The following TRIM37 variants were observed in gnomAD, a reference collection of about 807,000 sequenced individuals.
TRIM37 encodes E3 ubiquitin-protein ligase TRIM37.
TRIM37 carries 80 observed loss-of-function variants against 129.8 expected under a neutral mutation model. The ratio of observed to expected loss-of-function variants is 0.62; its 90% CI spans 0.51 to 0.74. The LOEUF is 0.74. Among genes scored for constraint, TRIM37 ranks in the 30% least tolerant of loss-of-function variants. The probability of loss-of-function intolerance (pLI) is 0.00; values close to 1 mark genes in which losing one functional copy is unlikely to be tolerated. For missense variants in TRIM37, 1,054 were observed against 1,176.5 expected, an observed-to-expected ratio of 0.90 and a Z score of 1.52; for synonymous variants, 389 against 387.1, an observed-to-expected ratio of 1.00 and a Z score of -0.06.
intron 19 of TRIM37, among the ~76,000 whole-genome samples, chr17:59,018,735 T>G (rs77156619): frequency 1.3e-5 from 2 of 151,820 alleles, no homozygotes; most frequent in East Asian, 1.9e-4. Context: ...TTTTTTTTTT[T>G]GCAGAAATTG....
chr17:59,079,979 T>G (rs533276255), intron 6 of TRIM37, 102 bp from the exon 7 acceptor site: 2 of 1,364,452 alleles, frequency 1.5e-6, no homozygotes, highest in Non-Finnish European at 2.0e-6. Flanking sequence ...AAAAAGGTAG[T>G]TAGAGGAAGG....
the TRIM37 span, among the ~76,000 whole-genome samples, chr17:58,977,440 CAAAA>C: frequency 4.8e-5 from 3 of 62,118 alleles, no homozygotes; most frequent in Non-Finnish European, 3.4e-5. Flanking sequence ...GACTCTGTCT[CAAAA>C]AAAAAAAAAA....
chr17:58,986,409 G>C (rs1353455216), intron 24 of TRIM37, among the ~76,000 whole-genome samples: 1 of 151,894 alleles, frequency 6.6e-6, no homozygotes, highest in Non-Finnish European at 1.5e-5. Context: ...ATGTTGGCCA[G>C]GCTGGTCTCG....
intron 19 of TRIM37, among the ~76,000 whole-genome samples, chr17:59,022,001 T>C (rs2036659980): frequency 6.6e-6 from 1 of 152,172 alleles, no homozygotes; most frequent in Non-Finnish European, 1.5e-5. Flanking sequence ...TCTGAGTTAC[T>C]ATACTAGTTT....
At chr17:58,969,801 C>T in the TRIM37 span, 175 of 1,384,462 alleles carry the variant, frequency 1.3e-4, no homozygotes, top group Middle Eastern at 3.0e-3. Context: ...GGTTAAAGGG[C>T]TATTTAGATT....
intron 12 of TRIM37, 133 bp downstream of exon 12, chr17:59,060,899 G>A: frequency 1.5e-6 from 1 of 675,922 alleles, no homozygotes; most frequent in Non-Finnish European, 2.6e-6. Flanking sequence ...ATCCTATGAT[G>A]CCAAGAACAT....
At position 59,042,449 on chromosome 17, in the gene TRIM37, A is replaced by AATATAT. The variant is rs71145518; in HGVS notation, c.1668-557_1668-552dup. 2.8e-4 allele frequency among the ~76,000 whole-genome samples: 10 copies of AATATAT among 36,040 alleles called. 1 individual carries two copies. The East Asian group carries it at 3.7e-3, about 13-fold the overall frequency. 23.6% of individuals were successfully genotyped at this position (36,040 alleles called of 152,430 possible). A position where few individuals can be genotyped will look rare whatever the true frequency, so the allele number is the denominator to read the frequency against. On this transcript the variant is annotated intron_variant, in intron 16 of 23. Coordinates refer to ENST00000262294, the MANE Select transcript of TRIM37 (RefSeq NM_015294.6). ...AGGAATTTAAAAAAAAAAAAAAAAAAATATATATATATATATATATATATA... is the reference window on the plus strand; with the variant it reads ...AGGAATTTAAAAAAAAAAAAAAAAAAATATATATATATATATATATATATATATATA...
downstream of TRIM37, among the ~76,000 whole-genome samples, chr17:58,996,683 C>A (rs896805877): frequency 4.0e-5 from 6 of 150,480 alleles, no homozygotes; most frequent in African/African-American, 1.5e-4. Context: ...GTGGGAGGAT[C>A]ACTTGAGCCT....
At chr17:59,105,690 G>A (rs1317219434) in intron 1 of TRIM37, among the ~76,000 whole-genome samples, 1 of 152,092 alleles carries the variant, frequency 6.6e-6, no homozygotes, top group Non-Finnish European at 1.5e-5. Flanking sequence ...AAAGAACCTG[G>A]GAGATGCAGA....
chr17:59,085,027 C>T (rs1219641111), intron 4 of TRIM37, among the ~76,000 whole-genome samples: 1 of 152,036 alleles, frequency 6.6e-6, no homozygotes, highest in Non-Finnish European at 1.5e-5. Flanking sequence ...ACCATATACA[C>T]AAATAAACTA....
At chr17:59,059,096 G>C (rs1228560968) in intron 12 of TRIM37, 1 of 151,576 alleles carries the variant, frequency 6.6e-6, no homozygotes, top group African/African-American at 2.4e-5. Flanking sequence ...TCTTGACCGG[G>C]CACAGTGGCA....
chr17:59,074,248 C>T (rs2042622687), intron 8 of TRIM37, among the ~76,000 whole-genome samples: 1 of 152,188 alleles, frequency 6.6e-6, no homozygotes, highest in Non-Finnish European at 1.5e-5. Flanking sequence ...TGCAGTCTGT[C>T]ATTGACCAAA....
the TRIM37 span, chr17:58,969,388 G>T: frequency 1.3e-6 from 1 of 777,004 alleles, no homozygotes; most frequent in Admixed American, 2.0e-5. Flanking sequence ...AGTTGATCAG[G>T]CATGTTAGAG....
intron 16 of TRIM37, among the ~76,000 whole-genome samples, chr17:59,045,422 G>A (rs1420864066): frequency 8.6e-5 from 13 of 151,522 alleles, no homozygotes; most frequent in South Asian, 2.1e-4. Context: ...GGTGGATCAC[G>A]AGGTCAGGTG....
chr17:59,010,184 T>C (rs2035077518), intron 22 of TRIM37, among the ~76,000 whole-genome samples: 1 of 152,190 alleles, frequency 6.6e-6, no homozygotes, highest in Admixed American at 6.5e-5. Flanking sequence ...AGTTCAACTA[T>C]TGGTTCTTGA....
chr17:59,070,978 C>A, intron 8 of TRIM37, 31 bp from the exon 9 acceptor site: 1 of 1,611,510 alleles, frequency 6.2e-7, no homozygotes, highest in South Asian at 1.1e-5. Context: ...TCTGAACAAA[C>A]AAAATTACTA....
intron 24 of TRIM37, chr17:58,984,802 A>G (rs1251047602): frequency 3.3e-5 from 5 of 152,468 alleles, no homozygotes; most frequent in Admixed American, 3.3e-4. Flanking sequence ...ATTTATTGTA[A>G]TAATTAGAAA....
At chr17:59,056,311 T>TGGAAACACCGGCGCA (rs1568116405) in intron 13 of TRIM37, among the ~76,000 whole-genome samples, 6 of 151,994 alleles carry the variant, frequency 3.9e-5, no homozygotes, top group Non-Finnish European at 8.8e-5. Context: ...CCATAGTAGA[T>TGGAAACACCGGCGCA]GGAAACACCG....
At chr17:59,084,891 C>T (rs1400944620) in intron 4 of TRIM37, among the ~76,000 whole-genome samples, 1 of 152,142 alleles carries the variant, frequency 6.6e-6, no homozygotes, top group African/African-American at 2.4e-5. Flanking sequence ...ACCAACACTG[C>T]TAGCATTTAA....
Sources: gnomAD v4.1 joint callset for allele counts (sites outside exome capture counted in the v4.1 genomes callset) on GRCh38, gnomAD v4.1.1 for gene constraint, MANE v1.5 for transcripts, NCBI Gene and HGNC (gene_info 2026-07-23, HGNC 2026-07-21) for gene names.